Variants in HMBOX1 observed in about 807,000 individuals in gnomAD.
HMBOX1 encodes the protein homeobox-containing protein 1.
HMBOX1 carries 14 observed loss-of-function variants against 54.5 expected under a neutral mutation model. The ratio of observed to expected loss-of-function variants is 0.26; its 90% confidence interval spans 0.17 to 0.40. The LOEUF (loss-of-function observed/expected upper bound fraction) is 0.40. Ranked by LOEUF, HMBOX1 falls within the 10% of genes least tolerant of loss-of-function variation. The pLI is 1.00. For synonymous variants in HMBOX1, 160 were observed against 181.0 expected (o/e 0.88, Z 0.93); for missense variants, 332 against 514.4 (o/e 0.65, Z 3.43).
intron 6 of HMBOX1, among the ~76,000 whole-genome samples, chr8:29,039,799 TGTG>T (rs1438438825): frequency 6.6e-6 from 1 of 152,178 alleles, no homozygotes; most frequent in Non-Finnish European, 1.5e-5. Context: ...CATAATGTAG[TGTG>T]GTCCTAGGGT....
At chr8:28,999,788 A>C (rs1185950751) in intron 4 of HMBOX1, among the ~76,000 whole-genome samples, 1 of 151,982 alleles carries the variant, frequency 6.6e-6, no homozygotes, top group African/African-American at 2.4e-5. Flanking sequence ...CATTTTTCTC[A>C]TACTTTCCTT....
chr8:28,977,509 A>G (rs1161641006), intron 3 of HMBOX1, among the ~76,000 whole-genome samples: 1 of 152,086 alleles, frequency 6.6e-6, no homozygotes, highest in Admixed American at 6.5e-5. Context: ...TTATTGATGC[A>G]TATTTGAAAG....
chr8:29,033,920 G>GA (rs1205878580), intron 6 of HMBOX1, among the ~76,000 whole-genome samples: 1 of 152,126 alleles, frequency 6.6e-6, no homozygotes, highest in Non-Finnish European at 1.5e-5. Flanking sequence ...AGACGAATTG[G>GA]AAAATCTTCA....
intron 1 of HMBOX1, among the ~76,000 whole-genome samples, chr8:28,950,306 G>T (rs1262978944): frequency 6.6e-6 from 1 of 152,174 alleles, no homozygotes. Flanking sequence ...GGGATTCTAT[G>T]CTTATAAAAG....
At chr8:29,049,695 C>CT in intron 9 of HMBOX1, 1 of 268,644 alleles carries the variant, frequency 3.7e-6, no homozygotes, top group Non-Finnish European at 7.0e-6. Flanking sequence ...AATTCAGTAA[C>CT]TAAGACTGTG....
intron 3 of HMBOX1, among the ~76,000 whole-genome samples, chr8:28,971,731 T>A (rs1361365261): frequency 6.6e-6 from 1 of 152,122 alleles, no homozygotes; most frequent in Admixed American, 6.5e-5. Context: ...TTTGGGAGAC[T>A]TTGAGTTCCA....
chr8:28,939,187 G>C (rs892221271), intron 1 of HMBOX1, among the ~76,000 whole-genome samples: 1 of 152,028 alleles, frequency 6.6e-6, no homozygotes, highest in South Asian at 2.1e-4. Flanking sequence ...TACTCGGGAG[G>C]CTGAGGCAGG....
At chr8:28,933,777 G>C (rs1819907438) in intron 1 of HMBOX1, among the ~76,000 whole-genome samples, 1 of 152,164 alleles carries the variant, frequency 6.6e-6, no homozygotes, top group African/African-American at 2.4e-5. Flanking sequence ...CCCTATTAAA[G>C]TCTATAGTGG....
At chr8:28,946,969 G>T (rs1822582882) in intron 1 of HMBOX1, among the ~76,000 whole-genome samples, 1 of 152,116 alleles carries the variant, frequency 6.6e-6, no homozygotes, top group African/African-American at 2.4e-5. Context: ...AAAACATATG[G>T]ATACTTTAGA....
chr8:28,903,835 G>C (rs1032074951), intron 1 of HMBOX1, among the ~76,000 whole-genome samples: 13 of 152,206 alleles, frequency 8.5e-5, no homozygotes, highest in African/African-American at 2.7e-4. Flanking sequence ...TTTGGTTACA[G>C]GGCAGTGGTT....
rs528008114 is a variant in HMBOX1, at chr8:28,979,054, A to G, written c.501-1017A>G. Among the ~76,000 whole-genome samples the G allele has an allele frequency of 1.2e-4, 18 of 152,332 alleles. No individual in the cohort carries two copies. The East Asian group carries it at 1.7e-3, about 15-fold the overall frequency. On this transcript the variant is annotated intron_variant, in intron 3 of 9. Transcript: ENST00000287701. ...AAATGATCCTTAGCTCATAGGTTGT[A>G]TAAAAATAGGTGGCAGGCTAGAATT...
At chr8:28,933,768 C>T (rs1187568594) in intron 1 of HMBOX1, among the ~76,000 whole-genome samples, 1 of 152,106 alleles carries the variant, frequency 6.6e-6, no homozygotes, top group East Asian at 1.9e-4. Flanking sequence ...TCTGAAAACC[C>T]CTATTAAAGT....
At chr8:28,975,097 C>T (rs148450631) in intron 3 of HMBOX1, among the ~76,000 whole-genome samples, 10 of 152,302 alleles carry the variant, frequency 6.6e-5, no homozygotes, top group African/African-American at 2.4e-4. Context: ...CTAGATCAGG[C>T]TTTCCATTTT....
At chr8:28,904,953 G>A (rs1813995923) in intron 1 of HMBOX1, among the ~76,000 whole-genome samples, 1 of 152,220 alleles carries the variant, frequency 6.6e-6, no homozygotes, top group Admixed American at 6.5e-5. Context: ...GGGATTACAG[G>A]CATGAGCTAC....
intron 3 of HMBOX1, among the ~76,000 whole-genome samples, chr8:28,973,613 C>A (rs572176321): frequency 6.6e-6 from 1 of 151,842 alleles, no homozygotes; most frequent in African/African-American, 2.4e-5. Flanking sequence ...TATGATAGCC[C>A]GTTGGAAGTG....
At chr8:29,013,347 G>A (rs1219220031) in intron 5 of HMBOX1, among the ~76,000 whole-genome samples, 5 of 152,204 alleles carry the variant, frequency 3.3e-5, no homozygotes, top group Admixed American at 3.3e-4. Context: ...TGTTGGCCAG[G>A]CTGGTCTTGA....
chr8:28,904,249 C>CTT (rs753359325), intron 1 of HMBOX1, among the ~76,000 whole-genome samples: 42 of 139,428 alleles, frequency 3.0e-4, no homozygotes, highest in Middle Eastern at 3.7e-3. Context: ...TTCCAAATCT[C>CTT]TTTTTTTTTT....
chr8:28,991,109 T>C (rs894480210), intron 4 of HMBOX1, among the ~76,000 whole-genome samples: 10 of 151,942 alleles, frequency 6.6e-5, no homozygotes, highest in African/African-American at 2.4e-4. Context: ...CAAATGTGCC[T>C]TTTTTTTATT....
At chr8:28,907,772 C>T (rs1389257947) in intron 1 of HMBOX1, among the ~76,000 whole-genome samples, 1 of 151,950 alleles carries the variant, frequency 6.6e-6, no homozygotes, top group African/African-American at 2.4e-5. Flanking sequence ...ATTATATTGC[C>T]TGATTTAATT....
Sources: allele counts gnomAD v4.1 joint callset (sites outside exome capture counted in the v4.1 genomes callset), GRCh38; gene constraint gnomAD v4.1.1; transcripts MANE v1.5; gene names NCBI Gene and HGNC (gene_info 2026-07-23, HGNC 2026-07-21).